Variants in CDK14 observed in about 807,000 individuals in gnomAD.
The protein encoded by CDK14 is cyclin-dependent kinase 14.
A neutral mutation model predicts 60.7 loss-of-function variants in CDK14; 34 were observed. That is an observed-to-expected ratio of 0.56 (90% CI 0.43 to 0.75). CDK14 has a LOEUF of 0.75. Among genes scored for constraint, CDK14 ranks in the 30% least tolerant of loss-of-function variants. The pLI, the probability that CDK14 is intolerant of heterozygous loss-of-function variation, is 0.00. For synonymous variants in CDK14, 197 were observed against 203.7 expected, an observed-to-expected ratio of 0.97 and a Z score of 0.28; for missense variants, 482 against 564.1, an observed-to-expected ratio of 0.85 and a Z score of 1.47.
chr7:90,781,130 G>A (rs1805299899), intron 4 of CDK14, among the ~76,000 whole-genome samples: 1 of 152,070 alleles, frequency 6.6e-6, no homozygotes. Flanking sequence ...TTGTGGTTTT[G>A]ATTTGTGGTT....
intron 2 of CDK14, among the ~76,000 whole-genome samples, chr7:90,610,948 G>A (rs148512225): frequency 1.2e-4 from 19 of 152,160 alleles, no homozygotes; most frequent in East Asian, 5.8e-4. Context: ...CCTTAATACC[G>A]TTAGGTGTCC....
At chr7:90,974,574 T>C (rs1795016393) in intron 9 of CDK14, among the ~76,000 whole-genome samples, 1 of 152,186 alleles carries the variant, frequency 6.6e-6, no homozygotes, top group Non-Finnish European at 1.5e-5. Flanking sequence ...AGAACAATGT[T>C]TTATTTTTTT....
chr7:90,935,296 A>T (rs1418684578), intron 8 of CDK14, among the ~76,000 whole-genome samples: 1 of 152,236 alleles, frequency 6.6e-6, no homozygotes, highest in East Asian at 1.9e-4. Flanking sequence ...GTAAATTTCA[A>T]CATGAATTTG....
At chr7:90,961,881 A>G (rs1031403565) in intron 9 of CDK14, among the ~76,000 whole-genome samples, 6 of 152,248 alleles carry the variant, frequency 3.9e-5, no homozygotes, top group African/African-American at 1.2e-4. Flanking sequence ...TGCCAGGATA[A>G]TAGGTGTAAA....
At chr7:90,821,749 T>TGTTAC (rs1789558783) in intron 5 of CDK14, among the ~76,000 whole-genome samples, 1 of 152,170 alleles carries the variant, frequency 6.6e-6, no homozygotes, top group African/African-American at 2.4e-5. Flanking sequence ...TCAAGGTAAA[T>TGTTAC]GTTACTATTA....
At chr7:90,616,290 C>T (rs889807472) in intron 2 of CDK14, among the ~76,000 whole-genome samples, 1 of 151,990 alleles carries the variant, frequency 6.6e-6, no homozygotes, top group African/African-American at 2.4e-5. Context: ...TTAATGAAAA[C>T]ATTTTTTATT....
At chr7:91,177,035 A>G (rs1274808395) in intron 14 of CDK14, among the ~76,000 whole-genome samples, 4 of 149,826 alleles carry the variant, frequency 2.7e-5, no homozygotes, top group Non-Finnish European at 4.5e-5. Flanking sequence ...AATATCCTTG[A>G]TGAACATTGA....
At chr7:90,675,052 C>T (rs981980857) in intron 2 of CDK14, among the ~76,000 whole-genome samples, 3 of 152,156 alleles carry the variant, frequency 2.0e-5, no homozygotes, top group African/African-American at 7.2e-5. Flanking sequence ...ATAGTTAAGA[C>T]AGAGGGCCAG....
At chr7:90,774,591 A>G (rs1333980377) in intron 4 of CDK14, among the ~76,000 whole-genome samples, 2 of 152,238 alleles carry the variant, frequency 1.3e-5, no homozygotes, top group East Asian at 3.8e-4. Context: ...CAAGTAATAC[A>G]TTTTTATTGG....
intron 2 of CDK14, among the ~76,000 whole-genome samples, chr7:90,636,864 A>C (rs2116423854): frequency 6.6e-6 from 1 of 151,960 alleles, no homozygotes; most frequent in African/African-American, 2.4e-5. Flanking sequence ...TAGTCTTGGG[A>C]GAGTGTATGT....
At chr7:91,186,747 T>C (rs566543089) in intron 14 of CDK14, among the ~76,000 whole-genome samples, 2 of 152,330 alleles carry the variant, frequency 1.3e-5, no homozygotes, top group East Asian at 3.9e-4. Context: ...TGGTTTTGTT[T>C]TTTTGTTTCA....
chr7:91,183,796 A>G (rs1802080458), intron 14 of CDK14, among the ~76,000 whole-genome samples: 1 of 152,180 alleles, frequency 6.6e-6, no homozygotes, highest in South Asian at 2.1e-4. Flanking sequence ...CAGTTTCTCT[A>G]TTCACACCAG....
intron 12 of CDK14, among the ~76,000 whole-genome samples, chr7:91,099,842 C>G (rs1731467430): frequency 1.3e-5 from 2 of 152,220 alleles, no homozygotes; most frequent in South Asian, 4.1e-4. Context: ...AGCTGGAAAT[C>G]AATTCTGTTG....
intron 5 of CDK14, among the ~76,000 whole-genome samples, chr7:90,846,125 C>T (rs1790463440): frequency 6.6e-6 from 1 of 152,108 alleles, no homozygotes; most frequent in Non-Finnish European, 1.5e-5. Flanking sequence ...AAATAAACTA[C>T]ATATTTTCCC....
chr7:90,861,102 A>C (rs193176429), intron 5 of CDK14, among the ~76,000 whole-genome samples: 286 of 152,256 alleles, frequency 1.9e-3, no homozygotes, highest in Middle Eastern at 6.8e-3. Context: ...CTTCTTATTC[A>C]GAATAGCCAC....
At chr7:90,805,739 T>A (rs550500930) in intron 5 of CDK14, among the ~76,000 whole-genome samples, 1 of 152,188 alleles carries the variant, frequency 6.6e-6, no homozygotes, top group South Asian at 2.1e-4. Flanking sequence ...GTCACACCTG[T>A]CAAAATCCCA....
At chr7:90,633,742 A>T (rs532207350) in intron 2 of CDK14, among the ~76,000 whole-genome samples, 3 of 151,586 alleles carry the variant, frequency 2.0e-5, no homozygotes, top group African/African-American at 7.3e-5. Flanking sequence ...TTATTTTATA[A>T]ATCTTTTTTT....
intron 2 of CDK14, among the ~76,000 whole-genome samples, chr7:90,666,188 G>T (rs563155382): frequency 2.1e-4 from 32 of 152,122 alleles, no homozygotes; most frequent in Non-Finnish European, 4.3e-4. Context: ...TATTCTTATT[G>T]CCTTGAATAC....
intron 5 of CDK14, among the ~76,000 whole-genome samples, chr7:90,835,150 G>A (rs990531970): frequency 3.3e-5 from 5 of 152,270 alleles, no homozygotes; most frequent in Non-Finnish European, 7.4e-5. Flanking sequence ...AGGTTTTTGC[G>A]AGACAGAAAC....
Sources: gnomAD v4.1 joint callset for allele counts (sites outside exome capture counted in the v4.1 genomes callset) on GRCh38, gnomAD v4.1.1 for gene constraint, MANE v1.5 for transcripts, NCBI Gene and HGNC (gene_info 2026-07-23, HGNC 2026-07-21) for gene names.